The following RALYL variants were observed in gnomAD, a reference collection of about 807,000 sequenced individuals.
RALYL encodes the protein RALY RNA binding protein like.
Under a neutral mutation model 35.1 loss-of-function variants are expected in RALYL, and 29 were observed. That is an observed-to-expected ratio of 0.83 (90% CI 0.61 to 1.13). The LOEUF is 1.13. RALYL is among the 50% of genes most tolerant of loss of function. The pLI, the probability that RALYL is intolerant of heterozygous loss-of-function variation, is 0.00. For missense variants in RALYL, 359 were observed against 360.4 expected, an observed-to-expected ratio of 1.00 and a Z score of 0.03; for synonymous variants, 120 against 127.6, an observed-to-expected ratio of 0.94 and a Z score of 0.40.
chr8:84,242,980 A>C (rs577656825), intron 1 of RALYL, among the ~76,000 whole-genome samples: 1 of 152,228 alleles, frequency 6.6e-6, no homozygotes, highest in Admixed American at 6.5e-5. Context: ...TGGGTTTTAC[A>C]TTTATGTCTT....
At chr8:84,791,322 G>C in intron 3 of RALYL, among the ~76,000 whole-genome samples, 1 of 152,108 alleles carries the variant, frequency 6.6e-6, no homozygotes, top group East Asian at 1.9e-4. Context: ...ATTCTCATGT[G>C]TTTTAAAAAG....
intron 1 of RALYL, among the ~76,000 whole-genome samples, chr8:84,214,599 A>G (rs1280735460): frequency 6.6e-6 from 1 of 152,112 alleles, no homozygotes; most frequent in African/African-American, 2.4e-5. Flanking sequence ...CATTTACTGT[A>G]ATATCCTTGA....
chr8:84,651,322 A>G (rs1489004663), intron 2 of RALYL, among the ~76,000 whole-genome samples: 2 of 151,898 alleles, frequency 1.3e-5, no homozygotes, highest in East Asian at 1.9e-4. Context: ...TGAATAATAC[A>G]GTTAATATAG....
chr8:84,431,572 C>T (rs556362237), intron 1 of RALYL, among the ~76,000 whole-genome samples: 1 of 152,254 alleles, frequency 6.6e-6, no homozygotes, highest in Non-Finnish European at 1.5e-5. Flanking sequence ...CACCCAAGAC[C>T]TTTGTAACCA....
rs1246613644 is a variant in RALYL, at chr8:84,616,727, C to G, written c.256+87150C>G. Among the ~76,000 whole-genome samples, 6 of 151,104 alleles carry G rather than the reference C, an allele frequency of 4.0e-5. No individual in the cohort carries two copies. In the East Asian group the frequency reaches 5.8e-4, roughly 15 times the overall value. On this transcript the variant is annotated intron_variant, in intron 2 of 8. Transcript: ENST00000521268. ...TTCTAGGGTTTTTATGGTTTTAGGT[C>G]TAACGTTTAAGTCTTTAATCCATCT...
chr8:84,211,847 ATAATAATAATAG>A (rs1281003263), intron 1 of RALYL, among the ~76,000 whole-genome samples: 1 of 152,160 alleles, frequency 6.6e-6, no homozygotes, highest in East Asian at 1.9e-4. Flanking sequence ...CTGTGGAGAC[ATAATAATAATAG>A]TAATAATAAT....
chr8:84,861,982 A>G (rs541342639), intron 5 of RALYL, among the ~76,000 whole-genome samples: 9 of 152,362 alleles, frequency 5.9e-5, no homozygotes, highest in African/African-American at 1.7e-4. Context: ...ATATTTAGGA[A>G]TGAAGGTCAG....
intron 3 of RALYL, among the ~76,000 whole-genome samples, chr8:84,798,017 G>C (rs184405610): frequency 1.4e-4 from 21 of 152,184 alleles, no homozygotes; most frequent in African/African-American, 5.1e-4. Context: ...TCTGAACTTT[G>C]CTTCTACACA....
At chr8:84,300,477 A>G (rs1452074943) in intron 1 of RALYL, among the ~76,000 whole-genome samples, 1 of 152,062 alleles carries the variant, frequency 6.6e-6, no homozygotes, top group Non-Finnish European at 1.5e-5. Context: ...TGTCAAGTAT[A>G]GGTCCTGAAT....
intron 1 of RALYL, among the ~76,000 whole-genome samples, chr8:84,363,683 G>A (rs1167935440): frequency 6.6e-6 from 1 of 152,146 alleles, no homozygotes; most frequent in African/African-American, 2.4e-5. Context: ...TATGAGGAGG[G>A]GTTGGGAAGC....
At chr8:84,382,313 T>C (rs142681857) in intron 1 of RALYL, among the ~76,000 whole-genome samples, 7 of 151,534 alleles carry the variant, frequency 4.6e-5, no homozygotes, top group African/African-American at 1.7e-4. Flanking sequence ...ATCTTTAAGA[T>C]TGTCACTGGT....
intron 4 of RALYL, among the ~76,000 whole-genome samples, chr8:84,841,432 T>A (rs1833302513): frequency 6.6e-6 from 1 of 152,124 alleles, no homozygotes; most frequent in South Asian, 2.1e-4. Context: ...CCTAAATATA[T>A]ATGCACCCAA....
intron 1 of RALYL, among the ~76,000 whole-genome samples, chr8:84,234,023 G>T (rs886925267): frequency 6.6e-6 from 1 of 151,792 alleles, no homozygotes; most frequent in African/African-American, 2.4e-5. Context: ...TGATTGTCTT[G>T]CCTTCCTTTC....
intron 2 of RALYL, among the ~76,000 whole-genome samples, chr8:84,617,074 G>C (rs1485266973): frequency 6.6e-6 from 1 of 150,446 alleles, no homozygotes; most frequent in Admixed American, 6.6e-5. Context: ...CGGTGATGCA[G>C]GCTCTTTTTT....
chr8:84,681,439 G>A (rs576110297), intron 2 of RALYL, among the ~76,000 whole-genome samples: 17 of 147,754 alleles, frequency 1.2e-4, no homozygotes, highest in South Asian at 1.1e-3. Flanking sequence ...ATTACCTTGG[G>A]CAGTACAGCC....
chr8:84,276,167 A>G (rs1226441095), intron 1 of RALYL, among the ~76,000 whole-genome samples: 1 of 152,120 alleles, frequency 6.6e-6, no homozygotes, highest in African/African-American at 2.4e-5. Flanking sequence ...TTAATAATCT[A>G]TGGTGTTTTG....
intron 2 of RALYL, among the ~76,000 whole-genome samples, chr8:84,543,912 G>A (rs1458440169): frequency 3.3e-5 from 5 of 152,008 alleles, no homozygotes; most frequent in Admixed American, 6.6e-5. Flanking sequence ...ACATCGATCA[G>A]CATTGTCAGA....
intron 1 of RALYL, among the ~76,000 whole-genome samples, chr8:84,222,870 A>G (rs1462440704): frequency 2.0e-5 from 3 of 152,010 alleles, no homozygotes; most frequent in Admixed American, 2.0e-4. Flanking sequence ...TGACAAATAT[A>G]CTCTGTTCAA....
At chr8:84,422,538 CT>C (rs1248833046) in intron 1 of RALYL, among the ~76,000 whole-genome samples, 3 of 74,784 alleles carry the variant, frequency 4.0e-5, no homozygotes, top group African/African-American at 1.2e-4. Context: ...TTTTTTGTGT[CT>C]CTATTTCCTT....
Sources: gnomAD v4.1 joint callset for allele counts (sites outside exome capture counted in the v4.1 genomes callset) on GRCh38, gnomAD v4.1.1 for gene constraint, MANE v1.5 for transcripts, NCBI Gene and HGNC (gene_info 2026-07-23, HGNC 2026-07-21) for gene names.